The following TAF5L variants were observed in gnomAD, a reference collection of about 807,000 sequenced individuals.
TAF5L encodes TATA-box binding protein associated factor 5 like, also known as TAF5-like RNA polymerase II p300/CBP-associated factor-associated factor 65 kDa subunit 5L.
Under a neutral mutation model 51.3 loss-of-function variants are expected in TAF5L, and 7 were observed. The ratio of observed to expected loss-of-function variants is 0.14; its 90% CI spans 0.08 to 0.26. The LOEUF (loss-of-function observed/expected upper bound fraction) is 0.26. Among genes scored for constraint, TAF5L ranks in the 10% least tolerant of loss-of-function variants. TAF5L has a pLI of 1.00. For synonymous variants in TAF5L, 291 were observed against 308.1 expected (o/e 0.94, Z 0.58); for missense variants, 575 against 758.9 (o/e 0.76, Z 2.85).
At position 229,625,843 on chromosome 1, in the gene TAF5L, G is replaced by C. The variant is rs1281557312; in HGVS notation, c.-4+42C>G. 1 of 121,292 alleles carries C rather than the reference G, an allele frequency of 8.2e-6. No homozygotes were observed. Among genetic ancestry groups the C allele is most frequent in the Non-Finnish European group, 1.7e-5 (1 of 58,666 alleles). The allele number at this position is 121,292 out of a possible 1,614,324, so 7.5% of individuals were successfully genotyped here. ...GCCCGCCCGCGCGCGCGCGCGCCTCGCGACCCTCCCGGCCCTCCCCGCCCG... is the reference window on the plus strand; with the variant it reads ...GCCCGCCCGCGCGCGCGCGCGCCTCCCGACCCTCCCGGCCCTCCCCGCCCG... On this transcript the variant is annotated intron_variant, in intron 1 of 4. Transcript: ENST00000258281. The surrounding 1 kb of genome is among the most constrained non-coding windows in gnomAD (Gnocchi z 4.0).
rs1026912684 is a variant in TAF5L at position 229,625,851 on chromosome 1, C to G, written c.-4+34G>C. 1 of 139,658 alleles carries G rather than the reference C, an allele frequency of 7.2e-6. No homozygotes were observed. Among genetic ancestry groups the G allele is most frequent in the African/African-American group, 2.6e-5 (1 of 39,178 alleles). 8.7% of individuals were successfully genotyped at this position (139,658 alleles called of 1,614,324 possible). A position where few individuals can be genotyped will look rare whatever the true frequency, so the allele number is the denominator to read the frequency against. On this transcript the variant is annotated intron_variant, in intron 1 of 4. Coordinates refer to ENST00000258281, the Ensembl canonical transcript of TAF5L. This position sits in a 1 kb window ranked among gnomAD's most constrained non-coding sequence, Gnocchi z 4.0. ...GCGCGCGCGCGCGCCTCGCGACCCT[C>G]CCGGCCCTCCCCGCCCGTGCTCCCG...
chr1:229,611,051 C>CT (rs149446400), intron 2 of TAF5L, among the ~76,000 whole-genome samples: 4,234 of 152,194 alleles, frequency 0.028, 82 homozygotes, highest in Middle Eastern at 0.058. Context: ...GAGGCTCATC[C>CT]TCCAGGGTGA....
chr1:229,598,946 C>G (rs1157069518), intron 4 of TAF5L, among the ~76,000 whole-genome samples: 2 of 152,132 alleles, frequency 1.3e-5, no homozygotes, highest in Non-Finnish European at 2.9e-5. Context: ...ATCCACCTGC[C>G]TCGGCCTCCC....
At chr1:229,617,056 T>C (rs1665029456) in intron 1 of TAF5L, among the ~76,000 whole-genome samples, 1 of 152,208 alleles carries the variant, frequency 6.6e-6, no homozygotes, top group Admixed American at 6.5e-5. Context: ...TCTCACTGTA[T>C]TGATGACTTA....
chr1:229,611,280 A>G lies in TAF5L; in HGVS notation c.143-1070T>C, dbSNP rs1456498619. ...TCCAATCTGTGAGTTTATGCTTTCTAAAAACAAAAAACAAAAACCATTCTC... is the reference window on the plus strand; with the variant it reads ...TCCAATCTGTGAGTTTATGCTTTCTGAAAACAAAAAACAAAAACCATTCTC... On this transcript the variant is annotated intron_variant, in intron 2 of 4. Transcript: ENST00000258281. Among the ~76,000 whole-genome samples the G allele has an allele frequency of 3.3e-5, 5 of 152,156 alleles. No homozygotes were observed. The East Asian group carries it at 7.7e-4, about 23-fold the overall frequency.
At chr1:229,624,064 C>A (rs1161497336) in intron 1 of TAF5L, among the ~76,000 whole-genome samples, 1 of 152,186 alleles carries the variant, frequency 6.6e-6, no homozygotes. Flanking sequence ...CAGATGACCC[C>A]TAGAGCTCCC....
intron 1 of TAF5L, among the ~76,000 whole-genome samples, chr1:229,618,037 T>C (rs768821272): frequency 3.8e-4 from 58 of 152,148 alleles, no homozygotes; most frequent in Non-Finnish European, 5.6e-4. Flanking sequence ...GTACATATAT[T>C]TCAAGTGACA....
intron 1 of TAF5L, among the ~76,000 whole-genome samples, chr1:229,622,805 G>T (rs997125): frequency 0.39 from 58,572 of 151,784 alleles, 11,932 homozygotes; most frequent in South Asian, 0.48. Context: ...TGTAGAGACG[G>T]AGTCTCACTA....
In TAF5L at chr1:229,594,284, C is replaced by G. The variant is rs1553268592; in HGVS notation, c.*13G>C. ...CCACTGTTACCCCAGTCCGTTCCAA[C>G]AAAGTTAAAAAATTAATGTTCCTGA... is the stretch of plus-strand genomic sequence containing the variant. On this transcript the variant is annotated 3_prime_UTR_variant, in exon 5 of 5. Coordinates refer to ENST00000258281, the Ensembl canonical transcript of TAF5L. The surrounding 1 kb of genome is among the most constrained non-coding windows in gnomAD (Gnocchi z 7.9). 4 of 1,599,284 alleles carry G rather than the reference C, an allele frequency of 2.5e-6. No individual in the cohort carries two copies. Among genetic ancestry groups the G allele is most frequent in the Non-Finnish European group, 3.4e-6 (4 of 1,170,890 alleles).
intron 2 of TAF5L, chr1:229,614,070 A>C: frequency 1.6e-6 from 1 of 621,574 alleles, no homozygotes; most frequent in East Asian, 2.7e-5. Context: ...ACTTTCAGGT[A>C]CAGATAAAGT....
intron 3 of TAF5L, chr1:229,607,485 T>C: frequency 1.0e-6 from 1 of 985,230 alleles, no homozygotes; most frequent in African/African-American, 1.7e-5. Flanking sequence ...TGTTATTTCT[T>C]ACCCAAATTA....
intron 4 of TAF5L, among the ~76,000 whole-genome samples, chr1:229,598,515 T>C (rs182637247): frequency 6.6e-6 from 1 of 152,270 alleles, no homozygotes; most frequent in East Asian, 1.9e-4. Flanking sequence ...TGCACACAGC[T>C]GTTTTACTGC....
At chr1:229,604,518 C>T (rs1475887753) in intron 3 of TAF5L, among the ~76,000 whole-genome samples, 1 of 152,064 alleles carries the variant, frequency 6.6e-6, no homozygotes, top group Admixed American at 6.6e-5. Flanking sequence ...ATTGATCCTG[C>T]CCAAGAGGAA....
chr1:229,594,624 C>A lies in TAF5L; in HGVS notation c.1443G>T (p.Lys481Asn). Residue 481 changes from lysine to asparagine, a missense_variant, in exon 5 of 5, where the codon AAG (lysine) becomes AAT (asparagine). Physicochemically the swap from Lys to Asn is moderately conservative, Grantham distance 94 (BLOSUM62 0). This residue lies in a region of TAF5L where 104 missense variants were observed against 218.3 expected (regional missense o/e 0.48). Transcript: ENST00000258281. The surrounding 1 kb of genome is among the most constrained non-coding windows in gnomAD (Gnocchi z 7.9). ...GGTCCTCGCCAGCAGACGCCAAGTA[C>A]TTACCGTTGGGAGAAAAGGCGAGAG... 6.2e-7 allele frequency: 1 copy of A among 1,614,194 alleles called. No homozygotes were observed. Among genetic ancestry groups the A allele is most frequent in the Non-Finnish European group, 8.5e-7 (1 of 1,180,038 alleles).
intron 3 of TAF5L, among the ~76,000 whole-genome samples, 170 bp downstream of exon 3, chr1:229,609,936 C>T (rs1664728436): frequency 6.6e-6 from 1 of 152,204 alleles, no homozygotes; most frequent in South Asian, 2.1e-4. Flanking sequence ...GTACCTCAAA[C>T]CAATTGTGGA....
chr1:229,600,125 G>A (rs1270969809), intron 4 of TAF5L: 1 of 984,898 alleles, frequency 1.0e-6, no homozygotes. Flanking sequence ...AAAAAGAAAA[G>A]TCCAAATTTT....
intron 1 of TAF5L, among the ~76,000 whole-genome samples, chr1:229,617,878 AGG>A (rs749982661): frequency 5.9e-5 from 9 of 152,210 alleles, no homozygotes; most frequent in Non-Finnish European, 1.2e-4. Context: ...ATTTATGATA[AGG>A]GCGCTTCCCT....
chr1:229,620,958 G>GTA (rs1665179586), intron 1 of TAF5L, among the ~76,000 whole-genome samples: 1 of 56,858 alleles, frequency 1.8e-5, no homozygotes, highest in African/African-American at 4.8e-5. Flanking sequence ...AAACATTTAT[G>GTA]TGTGTGTGTG....
In TAF5L at chr1:229,625,868, G is replaced by A. The variant is rs1665442124; in HGVS notation, c.-4+17C>T. On this transcript the variant is annotated intron_variant, in intron 1 of 4. Transcript: ENST00000258281. This position sits in a 1 kb window ranked among gnomAD's most constrained non-coding sequence, Gnocchi z 4.0. Reference sequence around the variant, plus strand: ...GCGACCCTCCCGGCCCTCCCCGCCCGTGCTCCCGGCACTCACTGAACATCC... The same window carrying A: ...GCGACCCTCCCGGCCCTCCCCGCCCATGCTCCCGGCACTCACTGAACATCC... 1 of 118,616 alleles carries A rather than the reference G, an allele frequency of 8.4e-6. No individual in the cohort carries two copies. Among genetic ancestry groups the A allele is most frequent in the Admixed American group, 9.4e-5 (1 of 10,642 alleles). The allele number at this position is 118,616 out of a possible 1,614,324, so 7.3% of individuals were successfully genotyped here.
Sources: allele counts gnomAD v4.1 joint callset (sites outside exome capture counted in the v4.1 genomes callset), GRCh38; gene constraint gnomAD v4.1.1; regional missense constraint gnomAD v4.1.1; non-coding constraint Gnocchi (gnomAD v3.1); transcripts MANE v1.5; gene names NCBI Gene and HGNC (gene_info 2026-07-23, HGNC 2026-07-21).